The following USHBP1 variants were observed in gnomAD, a reference collection of about 807,000 sequenced individuals.
The protein encoded by USHBP1 is harmonin-binding protein USHBP1.
Under a neutral mutation model 76.2 loss-of-function variants are expected in USHBP1, and 67 were observed. The ratio of observed to expected loss-of-function variants is 0.88; its 90% CI spans 0.72 to 1.08. The LOEUF is 1.08. Ranked by LOEUF, USHBP1 falls within the 50% of genes least tolerant of loss-of-function variation. USHBP1 has a pLI of 0.00. For synonymous variants in USHBP1, 322 were observed against 362.2 expected, an observed-to-expected ratio of 0.89 and a Z score of 1.26; for missense variants, 931 against 915.0, an observed-to-expected ratio of 1.02 and a Z score of -0.23.
rs772422532 is a variant in USHBP1 at position 17,250,311 on chromosome 19, C to T, written c.2026G>A (p.Val676Met). ...ALMEAQQAEEVAVLEATARAL... is the reference protein window; with the variant it reads ...ALMEAQQAEEMAVLEATARAL... ...CTTGCAGTGGCTTCGAGCACCGCCA[C>T]CTCCTCGGCCTGCTGAGCCTCCATG... The change falls in exon 13 of 13, where the codon GTG (valine) becomes ATG (methionine). Residue 676 changes from valine (V) to methionine (M), a missense_variant. Coordinates refer to ENST00000252597, the MANE Select transcript of USHBP1 (RefSeq NM_031941.4). The T allele has an allele frequency of 9.3e-6, 15 of 1,613,446 alleles. No individual in the cohort carries two copies. In the African/African-American group the frequency reaches 1.5e-4, roughly 16 times the overall value.
chr19:17,251,465 T>G (rs2145577157), intron 12 of USHBP1, 117 bp downstream of exon 12: 1 of 1,408,390 alleles, frequency 7.1e-7, no homozygotes. Context: ...CACCTGACCG[T>G]TACTGCCTAT....
Position 17,262,938 on chromosome 19 carries a change from CG to C in USHBP1, c.255del (p.Glu86LysfsTer41). 6.5e-7 allele frequency: 1 copy of C among 1,545,334 alleles called. No homozygotes were observed. Among genetic ancestry groups the C allele is most frequent in the Non-Finnish European group, 8.7e-7 (1 of 1,145,222 alleles). On this transcript the variant is annotated frameshift_variant, in exon 4 of 13. Coordinates refer to ENST00000252597, the MANE Select transcript of USHBP1 (RefSeq NM_031941.4). LOFTEE classifies it high-confidence loss of function. Reference protein sequence around the residue: ...GGSGRELASAPEVPHKPAVEA... With the variant: ...GGSGRELASAXEVPHKPAVEA... ...TCCACTGCAGGTTTGTGGGGCACTT[CG>C]GGGGCTGAGGCCAGTTCCCTGCCAG...
At chr19:17,255,736 C>G (rs918725086) in intron 9 of USHBP1, 130 bp from the exon 10 acceptor site, 1 of 1,011,798 alleles carries the variant, frequency 9.9e-7, no homozygotes, top group Non-Finnish European at 1.4e-6. Context: ...CGCAGTGGCT[C>G]ATGCCTGTAA....
chr19:17,252,392 C>T (rs1380671620), intron 10 of USHBP1, among the ~76,000 whole-genome samples: 2 of 151,758 alleles, frequency 1.3e-5, no homozygotes, highest in African/African-American at 4.8e-5. Flanking sequence ...GACGGAGTTT[C>T]ACCATGTTGG....
At chr19:17,256,741 G>A in intron 8 of USHBP1, 21 bp from the exon 9 acceptor site, 1 of 1,613,780 alleles carries the variant, frequency 6.2e-7, no homozygotes, top group Non-Finnish European at 8.5e-7. Context: ...CAGAAAAGGT[G>A]CCTATGTCAA....
chr19:17,260,595 G>A (rs1364065867), intron 4 of USHBP1, among the ~76,000 whole-genome samples: 1 of 152,124 alleles, frequency 6.6e-6, no homozygotes, highest in Non-Finnish European at 1.5e-5. Flanking sequence ...CTCCCAAAGT[G>A]CTGGGATTAC....
At position 17,262,785 on chromosome 19, in the gene USHBP1, G is replaced by A. The variant is rs149373392; in HGVS notation, c.409C>T (p.Arg137Cys). 62 of 1,613,908 alleles carry A rather than the reference G, an allele frequency of 3.8e-5. No homozygotes were observed. The highest frequency in any genetic ancestry group is 3.7e-4 in the African/African-American group (28 of 74,914). The change falls in exon 4 of 13, where the codon CGC becomes TGC. Residue 137 changes from arginine (R) to cysteine (C), a missense_variant. By Grantham distance (180) the Arg-to-Cys change is radical. Coordinates refer to ENST00000252597, the MANE Select transcript of USHBP1 (RefSeq NM_031941.4). Reference protein sequence around the residue: ...SSLEAAAAAWRHQPPSHSGPM... With the variant: ...SSLEAAAAAWCHQPPSHSGPM... ...CCAGAATGGCTGGGGGGCTGGTGGC[G>A]CCAGGCTGCAGCCGCTGCCTCCAGG...
At chr19:17,260,914 T>C (rs1251227180) in intron 4 of USHBP1, among the ~76,000 whole-genome samples, 2 of 152,094 alleles carry the variant, frequency 1.3e-5, no homozygotes, top group African/African-American at 4.8e-5. Flanking sequence ...CACACGTCAG[T>C]TCCATCTGCC....
intron 4 of USHBP1, among the ~76,000 whole-genome samples, chr19:17,260,405 C>A (rs763572746): frequency 4.8e-4 from 73 of 152,194 alleles, no homozygotes; most frequent in Non-Finnish European, 8.2e-4. Context: ...TCTCAGCTCA[C>A]TGCAACCTCT....
chr19:17,251,825 TA>T, intron 11 of USHBP1, 85 bp downstream of exon 11: 1 of 1,541,972 alleles, frequency 6.5e-7, no homozygotes, highest in Non-Finnish European at 8.7e-7. Context: ...GGGTACACCT[TA>T]GCTTCTACTG....
Position 17,259,303 on chromosome 19 carries a change from C to T in USHBP1, c.1032G>A (p.Leu344=). The change falls in exon 7 of 13, where the codon CTG becomes CTA. Residue 344 remains leucine (L), a synonymous_variant. Coordinates refer to ENST00000252597, the MANE Select transcript of USHBP1 (RefSeq NM_031941.4). ...QREAEATALH[L]ALQYSEHCEE... ...GGTGCACTGACCTGTACTGCAAGGC[C>T]AGATGCAATGCTGTGGCCTCAGCCT... The T allele has an allele frequency of 6.2e-7, 1 of 1,613,108 alleles. No homozygotes were observed. The highest frequency in any genetic ancestry group is 8.5e-7 in the Non-Finnish European group (1 of 1,179,690).
At position 17,262,572 on chromosome 19, in the gene USHBP1, T is replaced by C. The variant is rs1482048255; in HGVS notation, c.622A>G (p.Lys208Glu). 3 of 1,608,888 alleles carry C rather than the reference T, an allele frequency of 1.9e-6. No individual in the cohort carries two copies. The highest frequency in any genetic ancestry group is 1.7e-5 in the Admixed American group (1 of 59,836). Residue 208 changes from lysine to glutamate, a missense_variant, in exon 4 of 13, where the codon AAG becomes GAG. Lys to Glu is a moderately conservative substitution (Grantham distance 56). Coordinates refer to ENST00000252597, the MANE Select transcript of USHBP1 (RefSeq NM_031941.4). ...QASLEAIRAE[K>E]ETLQKEVQEL... ...CTCACCTCTTTCTGCAGCGTCTCCT[T>C]CTCAGCTCGGATGGCCTCCAGGGAG...
Position 17,262,616 on chromosome 19 carries a change from T to G in USHBP1, c.578A>C (p.Glu193Ala). The G allele has an allele frequency of 6.2e-7, 1 of 1,613,812 alleles. No individual in the cohort carries two copies. Among genetic ancestry groups the G allele is most frequent in the Non-Finnish European group, 8.5e-7 (1 of 1,179,982 alleles). ...LRLALSSRED[E>A]LVRTQASLEA... ...CAGGGAGGCCTGCGTGCGGACCAGC[T>G]CATCCTCTCGGCTACTCAGGGCCAG... Residue 193 changes from glutamate to alanine, a missense_variant, in exon 4 of 13, where the codon GAG becomes GCG. Glu to Ala is a moderately radical substitution (Grantham distance 107, BLOSUM62 -1). Transcript: ENST00000252597.
rs1429643816 is a variant in USHBP1, at chr19:17,255,592, G to T, written c.1485C>A (p.Asp495Glu). Residue 495 changes from aspartate (D) to glutamate (E), a missense_variant, in exon 10 of 13, where the codon GAC becomes GAA. Coordinates refer to ENST00000252597, the MANE Select transcript of USHBP1 (RefSeq NM_031941.4). The part of the protein sequence containing the change: ...DLVAAREALA[D>E]LMLRLQLVRR... ...GCACCAGCTGCAGCCGAAGCATCAG[G>T]TCCGCCAGGGCCTCCTGTGGGACCA... 1.9e-6 allele frequency: 3 copies of T among 1,611,318 alleles called. No homozygotes were observed. The highest frequency in any genetic ancestry group is 2.5e-6 in the Non-Finnish European group (3 of 1,178,530).
Position 17,264,289 on chromosome 19 carries a change from C to T in USHBP1, c.11G>A (p.Arg4Gln), listed in dbSNP as rs759387994. 7.4e-5 allele frequency: 120 copies of T among 1,612,538 alleles called. No individual in the cohort carries two copies. The highest frequency in any genetic ancestry group is 9.6e-5 in the Non-Finnish European group (113 of 1,179,694). ...TCGCCGGCTTCGGGGCCGCGTGGCC[C>T]GGGCACTCATTGCTGTCCAGAAGCC... MSA[R>Q]ATRPRSRRGR... is the part of the protein sequence containing the mutation. Residue 4 changes from arginine (R) to glutamine (Q), a missense_variant, in exon 2 of 13, where the codon CGG becomes CAG. Transcript: ENST00000252597.
In USHBP1 at chr19:17,251,574, A is replaced by C. The variant is rs758952773; in HGVS notation, c.1922+8T>G. 6.2e-7 allele frequency: 1 copy of C among 1,613,672 alleles called. No individual in the cohort carries two copies. The highest frequency in any genetic ancestry group is 2.2e-5 in the East Asian group (1 of 44,850). ...CAGGGGGATTGGGGGGATGCAGAACAGTCCTACCTGTGGGCTTTGCATAAA... is the reference window on the plus strand; with the variant it reads ...CAGGGGGATTGGGGGGATGCAGAACCGTCCTACCTGTGGGCTTTGCATAAA... On this transcript the variant is annotated splice_region_variant and intron_variant, in intron 12 of 12. Transcript: ENST00000252597.
Position 17,262,938 on chromosome 19 carries a change from C to T in USHBP1, c.256G>A (p.Glu86Lys), listed in dbSNP as rs950439067. Residue 86 changes from glutamate to lysine, a missense_variant, in exon 4 of 13, where the codon GAA becomes AAA. Transcript: ENST00000252597. ...GSGRELASAP[E>K]VPHKPAVEAH... ...TCCACTGCAGGTTTGTGGGGCACTT[C>T]GGGGGCTGAGGCCAGTTCCCTGCCA... 1.4e-5 allele frequency: 22 copies of T among 1,545,214 alleles called. No homozygotes were observed. Among genetic ancestry groups the T allele is most frequent in the African/African-American group, 5.5e-5 (4 of 72,868 alleles).
chr19:17,250,339 T>C lies in USHBP1; in HGVS notation c.1998A>G (p.Ala666=). The C allele has an allele frequency of 6.2e-7, 1 of 1,613,692 alleles. No individual in the cohort carries two copies. The change falls in exon 13 of 13, where the codon GCA becomes GCG. Residue 666 remains alanine, a synonymous_variant. Transcript: ENST00000252597. ...EQRRKLEQQM[A]LMEAQQAEEV... is the part of the protein sequence containing the mutation. ...CCTCGGCCTGCTGAGCCTCCATGAG[T>C]GCCATCTGCTGCTCCAACTTCCGGC...
chr19:17,255,644 T>G, intron 9 of USHBP1, 38 bp from the exon 10 acceptor site: 1 of 1,547,424 alleles, frequency 6.5e-7, no homozygotes, highest in Non-Finnish European at 8.7e-7. Flanking sequence ...TTTATGCTTC[T>G]ACGGTCAACT....
Sources: gnomAD v4.1 joint callset for allele counts (sites outside exome capture counted in the v4.1 genomes callset) on GRCh38, gnomAD v4.1.1 for gene constraint, MANE v1.5 for transcripts, NCBI Gene and HGNC (gene_info 2026-07-23, HGNC 2026-07-21) for gene names.